ANXA11: variants seen among roughly 807,000 people sequenced by gnomAD.
ANXA11 encodes 56 kDa autoantigen.
Under a neutral mutation model 64.7 loss-of-function variants are expected in ANXA11, and 57 were observed. That is an observed-to-expected ratio of 0.88 (90% CI 0.71 to 1.10). ANXA11 has a LOEUF of 1.10. Among genes scored for constraint, ANXA11 ranks in the 50% least tolerant of loss-of-function variants. The pLI is 0.00. For synonymous variants in ANXA11, 260 were observed against 265.2 expected (o/e 0.98, Z 0.19); for missense variants, 675 against 670.7 (o/e 1.01, Z -0.07).
chr10:80,160,844 G>A (rs1228178885), intron 12 of ANXA11, among the ~76,000 whole-genome samples: 1 of 152,026 alleles, frequency 6.6e-6, no homozygotes, highest in Non-Finnish European at 1.5e-5. Context: ...CAGTCCCCCT[G>A]TCTCAGTTGA....
At chr10:80,192,104 A>C (rs369842402) in intron 1 of ANXA11, among the ~76,000 whole-genome samples, 2 of 152,264 alleles carry the variant, frequency 1.3e-5, no homozygotes, top group South Asian at 2.1e-4. Flanking sequence ...TTGTTCCATC[A>C]CGGGGGCAGC....
intron 1 of ANXA11, among the ~76,000 whole-genome samples, chr10:80,203,291 T>G (rs1840519005): frequency 6.6e-6 from 1 of 152,034 alleles, no homozygotes; most frequent in Non-Finnish European, 1.5e-5. Context: ...ACCTCCCCAA[T>G]CACGTGAACT....
intron 3 of ANXA11, 80 bp from the exon 4 acceptor site, chr10:80,170,995 G>C (rs1416593203): frequency 6.6e-7 from 1 of 1,518,790 alleles, no homozygotes; most frequent in African/African-American, 1.4e-5. Context: ...GCTCCCAGGT[G>C]GTCAGAAAGG....
intron 9 of ANXA11, 140 bp from the exon 10 acceptor site, chr10:80,163,753 T>C (rs1330187229): frequency 5.0e-6 from 4 of 793,006 alleles, no homozygotes; most frequent in Non-Finnish European, 4.1e-6. Flanking sequence ...ATAGCCCATA[T>C]GGCCCTCCAG....
chr10:80,162,904 T>G (rs934678025), intron 11 of ANXA11, among the ~76,000 whole-genome samples: 1 of 152,152 alleles, frequency 6.6e-6, no homozygotes, highest in Admixed American at 6.5e-5. Context: ...TTTTCCCCTT[T>G]TGTCTGCAAC....
intron 1 of ANXA11, among the ~76,000 whole-genome samples, chr10:80,180,522 C>G (rs1433083856): frequency 1.3e-5 from 2 of 152,284 alleles, no homozygotes; most frequent in African/African-American, 2.4e-5. Flanking sequence ...AGCAGTGACA[C>G]CCCCTGCCCC....
At chr10:80,169,892 C>A (rs1199903921) in intron 4 of ANXA11, among the ~76,000 whole-genome samples, 2 of 152,188 alleles carry the variant, frequency 1.3e-5, no homozygotes, top group East Asian at 3.8e-4. Flanking sequence ...ACTGGCCTCT[C>A]CTCCCTGTCC....
intron 1 of ANXA11, among the ~76,000 whole-genome samples, chr10:80,203,412 C>T (rs1044714577): frequency 5.3e-5 from 8 of 152,104 alleles, no homozygotes; most frequent in Non-Finnish European, 8.8e-5. Context: ...ACCTCTTAGT[C>T]CCAATTCATC....
rs573326665 is a variant in ANXA11, at chr10:80,204,418, T to TGGGCA, written c.-58+920_-58+924dup. 8.0e-3 allele frequency among the ~76,000 whole-genome samples: 1,220 copies of TGGGCA among 151,588 alleles called. 6 individuals are homozygous for TGGGCA. Among genetic ancestry groups the TGGGCA allele is most frequent in the Non-Finnish European group, 0.013 (863 of 67,462 alleles). On this transcript the variant is annotated intron_variant, in intron 1 of 15. Coordinates refer to ENST00000422982, the MANE Select transcript of ANXA11 (RefSeq NM_145868.2). ...CCCTGCAAACCTAGTCCCTGTTGCG[T>TGGGCA]GGGCAGGGCAGGGCAGGGCAGGGCA...
In ANXA11 at chr10:80,152,064, T is replaced by A. The variant is rs1205717297; in HGVS notation, c.*3789A>T. ...GACTAGGGTGAGGCGAGTGAGGCTA[T>A]CTGTCTCAGGTGCAAAACTATTTAA... On this transcript the variant is annotated 3_prime_UTR_variant, in exon 16 of 16. Coordinates refer to ENST00000422982, the MANE Select transcript of ANXA11 (RefSeq NM_145868.2). 6.6e-6 allele frequency: 1 copy of A among 152,338 alleles called. No homozygotes were observed. Among genetic ancestry groups the A allele is most frequent in the Admixed American group, 6.5e-5 (1 of 15,302 alleles). 9.4% of individuals were successfully genotyped at this position (152,338 alleles called of 1,614,324 possible).
chr10:80,173,129 C>T, intron 2 of ANXA11: 1 of 469,490 alleles, frequency 2.1e-6, no homozygotes, highest in Non-Finnish European at 3.8e-6. Flanking sequence ...GATTCACTCC[C>T]CATGAGCCAG....
intron 5 of ANXA11, 91 bp downstream of exon 5, chr10:80,168,878 G>A (rs1048001670): frequency 3.8e-5 from 51 of 1,347,204 alleles, no homozygotes; most frequent in South Asian, 8.6e-5. Flanking sequence ...GGAGGCCTGC[G>A]CCTTTCCCTG....
intron 3 of ANXA11, chr10:80,171,234 G>C (rs188213562): frequency 8.2e-7 from 1 of 1,223,178 alleles, no homozygotes. Flanking sequence ...TCATGGAGCA[G>C]GAGGACAGAC....
intron 5 of ANXA11, among the ~76,000 whole-genome samples, chr10:80,168,256 G>GGC (rs1554832273): frequency 2.7e-5 from 4 of 147,050 alleles, no homozygotes; most frequent in Non-Finnish European, 4.6e-5. Flanking sequence ...CTGTGCCGGG[G>GGC]GGGGCGGGGG....
intron 12 of ANXA11, among the ~76,000 whole-genome samples, chr10:80,160,134 C>T (rs1845449150): frequency 6.6e-6 from 1 of 152,244 alleles, no homozygotes; most frequent in African/African-American, 2.4e-5. Context: ...GTTGTGATTT[C>T]TGCTCTGTGT....
intron 2 of ANXA11, among the ~76,000 whole-genome samples, chr10:80,174,170 T>G (rs1270288574): frequency 1.3e-5 from 2 of 152,188 alleles, no homozygotes; most frequent in Non-Finnish European, 2.9e-5. Flanking sequence ...TCCTCCCGCC[T>G]CAGCCTCCTA....
In ANXA11 at chr10:80,184,268, AGGG is replaced by A. The variant is rs1233027862; in HGVS notation, c.-57-8116_-57-8114del. On this transcript the variant is annotated intron_variant, in intron 1 of 15. Coordinates refer to ENST00000422982, the MANE Select transcript of ANXA11 (RefSeq NM_145868.2). ...ATACAGATGCTCCTTGACTTATGATAGGGTTACATCCAAATAAAGCCATCATGA... is the reference window on the plus strand; with the variant it reads ...ATACAGATGCTCCTTGACTTATGATATTACATCCAAATAAAGCCATCATGA... 3.3e-5 allele frequency among the ~76,000 whole-genome samples: 5 copies of A among 152,236 alleles called. No homozygotes were observed. In the East Asian group the frequency reaches 9.6e-4, roughly 29 times the overall value.
intron 1 of ANXA11, among the ~76,000 whole-genome samples, chr10:80,188,782 G>A (rs568711425): frequency 7.9e-5 from 12 of 152,230 alleles, no homozygotes; most frequent in East Asian, 1.9e-4. Flanking sequence ...TGACCAACAC[G>A]CCTAGTGGCC....
intron 5 of ANXA11, among the ~76,000 whole-genome samples, 153 bp from the exon 6 acceptor site, chr10:80,167,466 C>T (rs137979695): frequency 1.3e-5 from 2 of 152,294 alleles, no homozygotes; most frequent in East Asian, 3.9e-4. Context: ...GACTTTACGC[C>T]GCGTCTACCT....
Sources: allele counts gnomAD v4.1 joint callset (sites outside exome capture counted in the v4.1 genomes callset), GRCh38; gene constraint gnomAD v4.1.1; transcripts MANE v1.5; gene names NCBI Gene and HGNC (gene_info 2026-07-23, HGNC 2026-07-21).